PSMD1: variants seen among roughly 807,000 people sequenced by gnomAD.
PSMD1 encodes proteasome 26S subunit, non-ATPase 1.
In PSMD1, 18 loss-of-function variants were observed where a neutral mutation model predicts 119.0. The ratio of observed to expected loss-of-function variants is 0.15; its 90% CI spans 0.10 to 0.22. The LOEUF (loss-of-function observed/expected upper bound fraction) is 0.22. Among genes scored for constraint, PSMD1 ranks in the 10% least tolerant of loss-of-function variants. The pLI, the probability that PSMD1 is intolerant of heterozygous loss-of-function variation, is 1.00. For synonymous variants in PSMD1, 374 were observed against 396.6 expected, an observed-to-expected ratio of 0.94 and a Z score of 0.68; for missense variants, 702 against 1,158.5, an observed-to-expected ratio of 0.61 and a Z score of 5.72.
chr2:231,085,142 G>A (rs371664186), intron 15 of PSMD1, 28 bp downstream of exon 15: 2 of 1,582,006 alleles, frequency 1.3e-6, no homozygotes, highest in Non-Finnish European at 1.7e-6. Context: ...TCTTGGGAAT[G>A]GGGTGGACGG....
At chr2:231,146,713 T>C (rs757990277) in intron 18 of PSMD1, among the ~76,000 whole-genome samples, 4 of 152,224 alleles carry the variant, frequency 2.6e-5, no homozygotes, top group Non-Finnish European at 5.9e-5. Flanking sequence ...GATGCAAACT[T>C]AGGCAGTCCA....
At chr2:231,076,525 A>G (rs1420038646) in intron 8 of PSMD1, among the ~76,000 whole-genome samples, 3 of 152,210 alleles carry the variant, frequency 2.0e-5, no homozygotes, top group African/African-American at 7.2e-5. Context: ...AAATTAGCTG[A>G]GCGTGGTGGC....
chr2:231,071,170 A>G (rs1694033598), intron 6 of PSMD1, among the ~76,000 whole-genome samples: 1 of 151,858 alleles, frequency 6.6e-6, no homozygotes, highest in Non-Finnish European at 1.5e-5. Context: ...TTTTTTTAAA[A>G]CTGACATGAA....
intron 7 of PSMD1, among the ~76,000 whole-genome samples, chr2:231,074,666 A>G (rs776172830): frequency 1.3e-5 from 2 of 151,956 alleles, no homozygotes; most frequent in Non-Finnish European, 2.9e-5. Context: ...CTAATATTTT[A>G]TGAGATTTTA....
chr2:231,171,217 G>C (rs968434280), intron 24 of PSMD1, among the ~76,000 whole-genome samples: 3 of 152,156 alleles, frequency 2.0e-5, no homozygotes, highest in African/African-American at 7.2e-5. Flanking sequence ...TCCTTCGACA[G>C]TATTTTTGGC....
chr2:231,088,794 T>C (rs1694515854), intron 16 of PSMD1, among the ~76,000 whole-genome samples: 1 of 152,168 alleles, frequency 6.6e-6, no homozygotes, highest in Non-Finnish European at 1.5e-5. Flanking sequence ...GAGTCCCACA[T>C]TTCTCACTTT....
chr2:231,146,202 T>A, intron 17 of PSMD1, 38 bp from the exon 18 acceptor site: 1 of 1,434,886 alleles, frequency 7.0e-7, no homozygotes, highest in Non-Finnish European at 9.8e-7. Flanking sequence ...CCATATCAAC[T>A]TTATTTAAAA....
intron 16 of PSMD1, chr2:231,108,988 G>C: frequency 1.2e-6 from 2 of 1,614,176 alleles, no homozygotes; most frequent in Non-Finnish European, 1.7e-6. Flanking sequence ...CAATCCCTAG[G>C]ACCTTTGAGG....
intron 1 of PSMD1, among the ~76,000 whole-genome samples, chr2:231,057,342 T>G (rs1163020811): frequency 6.6e-6 from 1 of 152,162 alleles, no homozygotes; most frequent in Non-Finnish European, 1.5e-5. Flanking sequence ...CTTACCTTTT[T>G]TCTGTGCCTC....
chr2:231,127,864 T>G (rs1201105187), intron 16 of PSMD1, among the ~76,000 whole-genome samples: 1 of 152,238 alleles, frequency 6.6e-6, no homozygotes, highest in Non-Finnish European at 1.5e-5. Flanking sequence ...GTGTAGAATA[T>G]TTCCTTTCCC....
At chr2:231,160,560 T>C (rs898845753) in intron 19 of PSMD1, among the ~76,000 whole-genome samples, 3 of 152,236 alleles carry the variant, frequency 2.0e-5, no homozygotes, top group African/African-American at 7.2e-5. Flanking sequence ...TATTTGCATA[T>C]GATTGAAGCG....
At chr2:231,072,093 A>G (rs532400484) in intron 6 of PSMD1, 96 bp from the exon 7 acceptor site, 306 of 1,027,298 alleles carry the variant, frequency 3.0e-4, no homozygotes, top group Middle Eastern at 6.3e-4. Flanking sequence ...CTGTGCTTAT[A>G]TTTTAAGGTT....
At chr2:231,154,277 C>CTTT (rs1559252096) in intron 19 of PSMD1, among the ~76,000 whole-genome samples, 250 of 151,346 alleles carry the variant, frequency 1.7e-3, no homozygotes, top group African/African-American at 5.7e-3. Context: ...ACTAAAAATA[C>CTTT]AAAAAAATTA....
intron 1 of PSMD1, among the ~76,000 whole-genome samples, chr2:231,057,363 C>T (rs1022768843): frequency 6.6e-6 from 1 of 152,210 alleles, no homozygotes; most frequent in African/African-American, 2.4e-5. Context: ...CCATTCTTGG[C>T]CGTGTGAGGT....
At chr2:231,133,206 T>A (rs1373684882) in intron 16 of PSMD1, among the ~76,000 whole-genome samples, 1 of 152,152 alleles carries the variant, frequency 6.6e-6, no homozygotes, top group Non-Finnish European at 1.5e-5. Flanking sequence ...TCGCCCAGCC[T>A]CCTGAGTAGC....
At position 231,080,277 on chromosome 2, in the gene PSMD1, A is replaced by C; in HGVS notation, c.1376A>C (p.Asp459Ala). 6.2e-7 allele frequency: 1 copy of C among 1,612,700 alleles called. No individual in the cohort carries two copies. The highest frequency in any genetic ancestry group is 8.5e-7 in the Non-Finnish European group (1 of 1,179,062). ...GCCAATCATGGTGGTGATATAATTG[A>C]CTATCTGCTTAATCAGCTTAAGAAC... ...IHANHGGDIIDYLLNQLKNAS... is the reference protein window; with the variant it reads ...IHANHGGDIIAYLLNQLKNAS... The change falls in exon 12 of 25, where the codon GAC becomes GCC. Residue 459 changes from aspartate to alanine, a missense_variant. This residue lies in a region of PSMD1 where 272 missense variants were observed against 511.6 expected (regional missense o/e 0.53). Coordinates refer to ENST00000308696, the MANE Select transcript of PSMD1 (RefSeq NM_002807.4).
intron 16 of PSMD1, among the ~76,000 whole-genome samples, chr2:231,105,183 T>G (rs1350549463): frequency 1.3e-5 from 2 of 152,166 alleles, no homozygotes; most frequent in Admixed American, 1.3e-4. Flanking sequence ...ATTTGTAGAT[T>G]GTTATTTGTT....
At chr2:231,093,373 T>G (rs1467587890) in intron 16 of PSMD1, among the ~76,000 whole-genome samples, 1 of 152,188 alleles carries the variant, frequency 6.6e-6, no homozygotes. Flanking sequence ...CTGAGTTGTC[T>G]TCTTCAGCAT....
At chr2:231,108,300 G>A in intron 16 of PSMD1, 1 of 499,492 alleles carries the variant, frequency 2.0e-6, no homozygotes, top group Non-Finnish European at 3.5e-6. Flanking sequence ...TAACCAGAGT[G>A]CTGGATTGTT....
Sources: gnomAD v4.1 joint callset for allele counts (sites outside exome capture counted in the v4.1 genomes callset) on GRCh38, gnomAD v4.1.1 for gene constraint, gnomAD v4.1.1 regional missense constraint, MANE v1.5 for transcripts, NCBI Gene and HGNC (gene_info 2026-07-23, HGNC 2026-07-21) for gene names.